Variants in NUBPL observed in about 807,000 individuals in gnomAD.
NUBPL encodes the protein NUBP iron-sulfur cluster assembly factor, mitochondrial.
A neutral mutation model predicts 45.7 loss-of-function variants in NUBPL; 31 were observed. That is an observed-to-expected ratio of 0.68 (90% CI 0.51 to 0.92). The LOEUF (loss-of-function observed/expected upper bound fraction) is 0.92. Among genes scored for constraint, NUBPL ranks in the 40% least tolerant of loss-of-function variants. The probability of loss-of-function intolerance (pLI) is 0.00; values close to 1 mark genes in which losing one functional copy is unlikely to be tolerated. For synonymous variants in NUBPL, 144 were observed against 140.9 expected (o/e 1.02, Z -0.15); for missense variants, 401 against 398.7 (o/e 1.01, Z -0.05).
intron 3 of NUBPL, among the ~76,000 whole-genome samples, chr14:31,579,097 C>G (rs1346555315): frequency 6.6e-6 from 1 of 152,132 alleles, no homozygotes; most frequent in African/African-American, 2.4e-5. Flanking sequence ...GATAAGGAAG[C>G]ATAAGCCTTC....
chr14:31,685,041 T>C (rs890304649), intron 6 of NUBPL, among the ~76,000 whole-genome samples: 2 of 152,234 alleles, frequency 1.3e-5, no homozygotes, highest in Non-Finnish European at 2.9e-5. Context: ...TTTGGAGCAA[T>C]GGTTTTCCAA....
chr14:31,762,889 T>G (rs7142009), intron 6 of NUBPL, among the ~76,000 whole-genome samples: 1 of 152,216 alleles, frequency 6.6e-6, no homozygotes, highest in African/African-American at 2.4e-5. Flanking sequence ...TTATAATGTT[T>G]GGCCAAATAA....
At chr14:31,822,865 C>T (rs1189795393) in intron 7 of NUBPL, among the ~76,000 whole-genome samples, 1 of 151,968 alleles carries the variant, frequency 6.6e-6, no homozygotes, top group African/African-American at 2.4e-5. Context: ...GCAAAGAAAC[C>T]CAAATGGCAT....
intron 6 of NUBPL, among the ~76,000 whole-genome samples, chr14:31,697,793 TA>T (rs1452118858): frequency 6.6e-6 from 1 of 152,236 alleles, no homozygotes; most frequent in Non-Finnish European, 1.5e-5. Context: ...CAGTGATAAT[TA>T]AGAAGCCTTA....
intron 8 of NUBPL, among the ~76,000 whole-genome samples, chr14:31,837,235 C>A (rs373192056): frequency 3.3e-5 from 5 of 152,084 alleles, no homozygotes; most frequent in Non-Finnish European, 5.9e-5. Context: ...GCAAGAAGAT[C>A]GCCTGAGTCC....
chr14:31,646,691 CT>C, intron 4 of NUBPL, among the ~76,000 whole-genome samples: 1 of 152,002 alleles, frequency 6.6e-6, no homozygotes, highest in Middle Eastern at 3.4e-3. Flanking sequence ...TTAGGGTAGT[CT>C]TTTTTGGGTT....
Position 31,859,225 on chromosome 14 carries a change from G to T in NUBPL, c.*45G>T. On this transcript the variant is annotated 3_prime_UTR_variant, in exon 11 of 11. Coordinates refer to ENST00000281081, the MANE Select transcript of NUBPL (RefSeq NM_025152.3). ...ATTTGCCTGGTACTGACATTAAGAGGACCTTTGGAAATCAGCAATGTGGTG... is the reference window on the plus strand; with the variant it reads ...ATTTGCCTGGTACTGACATTAAGAGTACCTTTGGAAATCAGCAATGTGGTG... 1 of 1,476,342 alleles carries T rather than the reference G, an allele frequency of 6.8e-7. No individual in the cohort carries two copies. 91.5% of individuals were successfully genotyped at this position (1,476,342 alleles called of 1,614,324 possible).
Position 31,810,387 on chromosome 14 carries a change from C to T in NUBPL, c.608-16242C>T, listed in dbSNP as rs562929946. Among the ~76,000 whole-genome samples the T allele has an allele frequency of 3.3e-3, 499 of 152,170 alleles. 3 individuals carry two copies. The highest frequency in any genetic ancestry group is 0.011 in the African/African-American group (470 of 41,526). On this transcript the variant is annotated intron_variant, in intron 7 of 10. Transcript: ENST00000281081. ...CATTATGTAATGGCCGTCTTTGTTT[C>T]TTTTTATCTTTGTTGGTTTAAAGTC...
chr14:31,776,410 T>C (rs1469948278), intron 6 of NUBPL, among the ~76,000 whole-genome samples: 1 of 152,134 alleles, frequency 6.6e-6, no homozygotes, highest in African/African-American at 2.4e-5. Context: ...AGCCAAGCAC[T>C]GAAGCACCAG....
At chr14:31,636,175 C>T (rs2035492006) in intron 4 of NUBPL, among the ~76,000 whole-genome samples, 1 of 152,044 alleles carries the variant, frequency 6.6e-6, no homozygotes, top group Non-Finnish European at 1.5e-5. Flanking sequence ...TGTCCGTTTT[C>T]AAAGGGAATG....
chr14:31,563,454 TA>T (rs902158105), intron 2 of NUBPL, among the ~76,000 whole-genome samples: 1 of 152,228 alleles, frequency 6.6e-6, no homozygotes, highest in African/African-American at 2.4e-5. Context: ...GGTGCTTCAG[TA>T]AATGTCCCTT....
At position 31,859,505 on chromosome 14, in the gene NUBPL, A is replaced by C; in HGVS notation, c.*325A>C. The C allele has an allele frequency of 2.7e-6, 1 of 370,854 alleles. No homozygotes were observed. Among genetic ancestry groups the C allele is most frequent in the South Asian group, 2.4e-5 (1 of 42,384 alleles). The allele number at this position is 370,854 out of a possible 1,614,324, so 23.0% of individuals were successfully genotyped here. ...TGGGAGAGAACTGTACACTTTTTGC[A>C]GGACCACAGAATTAGTAATTTAAAT... On this transcript the variant is annotated 3_prime_UTR_variant, in exon 11 of 11. Coordinates refer to ENST00000281081, the MANE Select transcript of NUBPL (RefSeq NM_025152.3).
intron 4 of NUBPL, among the ~76,000 whole-genome samples, chr14:31,639,081 C>A (rs973667336): frequency 6.6e-6 from 1 of 152,212 alleles, no homozygotes; most frequent in Non-Finnish European, 1.5e-5. Flanking sequence ...CTTCTTCTCT[C>A]AGCTCGTCAA....
chr14:31,712,669 G>T (rs11621390), intron 6 of NUBPL, among the ~76,000 whole-genome samples: 1 of 152,252 alleles, frequency 6.6e-6, no homozygotes, highest in Non-Finnish European at 1.5e-5. Context: ...GTGAGGGCTG[G>T]TAGCATGTTG....
intron 6 of NUBPL, among the ~76,000 whole-genome samples, chr14:31,734,603 T>C (rs1271722425): frequency 2.7e-5 from 4 of 147,112 alleles, no homozygotes; most frequent in Non-Finnish European, 4.6e-5. Context: ...AATTTCTTCA[T>C]TTTAAGTTTC....
chr14:31,676,326 A>T (rs2036698169), intron 6 of NUBPL, among the ~76,000 whole-genome samples: 1 of 151,964 alleles, frequency 6.6e-6, no homozygotes, highest in African/African-American at 2.4e-5. Flanking sequence ...ACCGTCCAGG[A>T]TGTAGCTTTT....
At chr14:31,835,822 G>C (rs1439858762) in intron 8 of NUBPL, among the ~76,000 whole-genome samples, 1 of 152,142 alleles carries the variant, frequency 6.6e-6, no homozygotes, top group African/African-American at 2.4e-5. Flanking sequence ...AAACTGGTTT[G>C]AGTCTAACAA....
intron 4 of NUBPL, among the ~76,000 whole-genome samples, chr14:31,627,068 G>A (rs1482534081): frequency 4.6e-5 from 7 of 152,186 alleles, no homozygotes; most frequent in African/African-American, 7.2e-5. Flanking sequence ...ATAATTCAGA[G>A]TTATGAACAA....
chr14:31,749,765 C>A (rs2038481235), intron 6 of NUBPL, among the ~76,000 whole-genome samples: 1 of 152,184 alleles, frequency 6.6e-6, no homozygotes, highest in Non-Finnish European at 1.5e-5. Flanking sequence ...GGGAAACTTA[C>A]AACTGTAATT....
Sources: gnomAD v4.1 joint callset for allele counts (sites outside exome capture counted in the v4.1 genomes callset) on GRCh38, gnomAD v4.1.1 for gene constraint, MANE v1.5 for transcripts, NCBI Gene and HGNC (gene_info 2026-07-23, HGNC 2026-07-21) for gene names.